The following ALK variants were observed in gnomAD, a reference collection of about 807,000 sequenced individuals.
The protein encoded by ALK is ALK receptor tyrosine kinase, also known as ALK tyrosine kinase receptor.
ALK carries 74 observed loss-of-function variants against 163.1 expected under a neutral mutation model. That is an observed-to-expected ratio of 0.45 (90% confidence interval 0.38 to 0.55). The LOEUF is 0.55. Ranked by LOEUF, ALK falls within the 20% of genes least tolerant of loss-of-function variation. ALK has a pLI of 0.00. For missense variants in ALK, 2,063 were observed against 2,105.3 expected (o/e 0.98, Z 0.39); for synonymous variants, 960 against 843.2 (o/e 1.14, Z -2.40).
chr2:29,787,967 T>C (rs115658725), intron 1 of ALK, among the ~76,000 whole-genome samples: 2,500 of 152,314 alleles, frequency 0.016, 43 homozygotes, highest in South Asian at 0.052. Flanking sequence ...GTGTGGCACA[T>C]AGACATAGTC....
chr2:29,793,172 A>C (rs1289463990), intron 1 of ALK, among the ~76,000 whole-genome samples: 1 of 152,180 alleles, frequency 6.6e-6, no homozygotes. Context: ...AGTAGATTCC[A>C]TCTCAAAACA....
At chr2:29,294,842 A>G (rs1276148021) in intron 9 of ALK, among the ~76,000 whole-genome samples, 2 of 152,184 alleles carry the variant, frequency 1.3e-5, no homozygotes, top group African/African-American at 2.4e-5. Flanking sequence ...TTTGATTCCA[A>G]AGCCTCTGCC....
chr2:29,426,775 C>T (rs1461758550), intron 4 of ALK, among the ~76,000 whole-genome samples: 1 of 152,004 alleles, frequency 6.6e-6, no homozygotes, highest in African/African-American at 2.4e-5. Context: ...CACGGTGGCT[C>T]ACGCCTGTAA....
At chr2:29,314,506 T>C (rs1666775856) in intron 8 of ALK, among the ~76,000 whole-genome samples, 2 of 152,222 alleles carry the variant, frequency 1.3e-5, no homozygotes, top group African/African-American at 4.8e-5. Flanking sequence ...TGTTTGCGTG[T>C]ACATATGTAT....
intron 28 of ALK, among the ~76,000 whole-genome samples, chr2:29,194,422 A>G (rs1668972486): frequency 6.6e-6 from 1 of 152,012 alleles, no homozygotes; most frequent in African/African-American, 2.4e-5. Flanking sequence ...GCTGCTTTCC[A>G]TTTCCATTTG....
At chr2:29,362,711 T>C (rs556279755) in intron 5 of ALK, among the ~76,000 whole-genome samples, 1 of 152,322 alleles carries the variant, frequency 6.6e-6, no homozygotes, top group South Asian at 2.1e-4. Context: ...TGTAGTCCCT[T>C]CTTTATCTGT....
chr2:29,865,508 A>G (rs903128696), intron 1 of ALK, among the ~76,000 whole-genome samples: 10 of 152,154 alleles, frequency 6.6e-5, no homozygotes, highest in Non-Finnish European at 1.2e-4. Flanking sequence ...TATATGTAAC[A>G]ATCTGCACAT....
chr2:29,871,833 T>C (rs1666585571), intron 1 of ALK, among the ~76,000 whole-genome samples: 1 of 152,228 alleles, frequency 6.6e-6, no homozygotes, highest in South Asian at 2.1e-4. Context: ...CCAATTCTGA[T>C]AAAAGCCTGG....
intron 1 of ALK, among the ~76,000 whole-genome samples, chr2:29,810,721 C>G (rs1358091841): frequency 6.6e-6 from 1 of 152,068 alleles, no homozygotes; most frequent in Non-Finnish European, 1.5e-5. Context: ...GTCTCTTAGG[C>G]CTTATATTAA....
chr2:29,530,590 T>C (rs1433881435), intron 4 of ALK, among the ~76,000 whole-genome samples: 1 of 152,238 alleles, frequency 6.6e-6, no homozygotes, highest in African/African-American at 2.4e-5. Context: ...TCTCAGAATA[T>C]GAGGCTGGGC....
intron 1 of ALK, among the ~76,000 whole-genome samples, chr2:29,735,323 C>T (rs1400863342): frequency 3.3e-5 from 5 of 151,988 alleles, no homozygotes; most frequent in African/African-American, 1.2e-4. Context: ...TGATTCTCTC[C>T]TAAGAAAATA....
intron 25 of ALK, among the ~76,000 whole-genome samples, chr2:29,208,684 G>A (rs935635195): frequency 3.9e-5 from 6 of 152,090 alleles, no homozygotes; most frequent in African/African-American, 1.4e-4. Flanking sequence ...CTTCAGGGGT[G>A]GTGTCTGGAT....
At chr2:29,802,558 A>AGGG (rs1664508964) in intron 1 of ALK, among the ~76,000 whole-genome samples, 1 of 2,058 alleles carries the variant, frequency 4.9e-4, no homozygotes, top group African/African-American at 1.7e-3. Context: ...GGAGGGGAGG[A>AGGG]GAGGGGAGGG....
chr2:29,634,658 G>A (rs998708296), intron 3 of ALK, among the ~76,000 whole-genome samples: 1 of 152,132 alleles, frequency 6.6e-6, no homozygotes, highest in African/African-American at 2.4e-5. Context: ...AAACTCTATA[G>A]CTAACACTGT....
chr2:29,405,613 C>T (rs1669563093), intron 4 of ALK, among the ~76,000 whole-genome samples: 1 of 152,154 alleles, frequency 6.6e-6, no homozygotes, highest in African/African-American at 2.4e-5. Flanking sequence ...GCTAGCCCTC[C>T]TTTACCTATT....
intron 1 of ALK, among the ~76,000 whole-genome samples, chr2:29,883,251 A>G (rs190515347): frequency 6.6e-6 from 1 of 152,376 alleles, no homozygotes; most frequent in Non-Finnish European, 1.5e-5. Flanking sequence ...TTATCCAGCA[A>G]CCAAGCCTGT....
At chr2:29,770,669 T>C (rs1057423693) in intron 1 of ALK, among the ~76,000 whole-genome samples, 12 of 152,086 alleles carry the variant, frequency 7.9e-5, no homozygotes, top group African/African-American at 2.7e-4. Context: ...AAAATTATGA[T>C]AGCAAAACAA....
chr2:29,849,245 G>T (rs77842618), intron 1 of ALK, among the ~76,000 whole-genome samples: 5,696 of 152,322 alleles, frequency 0.037, 153 homozygotes, highest in Middle Eastern at 0.065. Flanking sequence ...ATGCTCACTT[G>T]GCAGTATTCA....
At chr2:29,758,271 A>G (rs1055739539) in intron 1 of ALK, among the ~76,000 whole-genome samples, 5 of 151,966 alleles carry the variant, frequency 3.3e-5, no homozygotes, top group African/African-American at 9.7e-5. Context: ...CAGCCTCTCA[A>G]GGTGTTGTGC....
Sources: gnomAD v4.1 joint callset for allele counts (sites outside exome capture counted in the v4.1 genomes callset) on GRCh38, gnomAD v4.1.1 for gene constraint, MANE v1.5 for transcripts, NCBI Gene and HGNC (gene_info 2026-07-23, HGNC 2026-07-21) for gene names.